The following KCNH8 variants were observed in gnomAD, a reference collection of about 807,000 sequenced individuals.
The protein encoded by KCNH8 is voltage-gated delayed rectifier potassium channel KCNH8.
KCNH8 carries 70 observed loss-of-function variants against 103.6 expected under a neutral mutation model. The observed-to-expected ratio is 0.68, with a 90% CI of 0.56 to 0.82. The LOEUF (loss-of-function observed/expected upper bound fraction) is 0.82, where lower values mean the gene tolerates loss of function less well. Among genes scored for constraint, KCNH8 ranks in the 40% least tolerant of loss-of-function variants. The pLI is 0.00. For synonymous variants in KCNH8, 498 were observed against 489.4 expected (o/e 1.02, Z -0.23); for missense variants, 1,217 against 1,329.9 (o/e 0.92, Z 1.32).
intron 7 of KCNH8, among the ~76,000 whole-genome samples, chr3:19,415,368 C>T (rs578112565): frequency 1.4e-5 from 2 of 145,528 alleles, no homozygotes; most frequent in Non-Finnish European, 3.0e-5. Flanking sequence ...GCTGGGATTT[C>T]TGTCTTCCTT....
intron 3 of KCNH8, among the ~76,000 whole-genome samples, chr3:19,307,210 GA>G (rs568289353): frequency 2.4e-4 from 35 of 147,444 alleles, no homozygotes; most frequent in Non-Finnish European, 4.7e-4. Flanking sequence ...CAAAACAAAA[GA>G]AAAAAAAAGC....
intron 1 of KCNH8, among the ~76,000 whole-genome samples, chr3:19,212,374 C>G (rs2063779470): frequency 6.6e-6 from 1 of 152,216 alleles, no homozygotes; most frequent in African/African-American, 2.4e-5. Flanking sequence ...GATCTTCAAG[C>G]CCCAACGTGA....
chr3:19,225,278 C>T (rs1341301375), intron 1 of KCNH8, among the ~76,000 whole-genome samples: 2 of 151,506 alleles, frequency 1.3e-5, no homozygotes, highest in Non-Finnish European at 2.9e-5. Context: ...AAAATCCAAT[C>T]CATTATTTTA....
At chr3:19,287,644 G>C (rs896638020) in intron 3 of KCNH8, among the ~76,000 whole-genome samples, 2 of 152,080 alleles carry the variant, frequency 1.3e-5, no homozygotes, top group Non-Finnish European at 1.5e-5. Flanking sequence ...GGAGTGCAGT[G>C]GCACAATCTC....
chr3:19,407,119 A>G (rs1288488924), intron 7 of KCNH8, among the ~76,000 whole-genome samples: 1 of 152,156 alleles, frequency 6.6e-6, no homozygotes, highest in Non-Finnish European at 1.5e-5. Flanking sequence ...TTTAAAAATT[A>G]CTTTGTAGTC....
chr3:19,170,665 CAT>C lies in KCNH8; in HGVS notation c.76+21878_76+21879del, dbSNP rs775210363. On this transcript the variant is annotated intron_variant, in intron 1 of 15. Transcript: ENST00000328405. ...ATATATACACACACATATATACACA[CAT>C]ATATATACACACACACATATATACA... Among the ~76,000 whole-genome samples, 658 of 116,892 alleles carry C rather than the reference CAT, an allele frequency of 5.6e-3. 2 individuals carry two copies. Among genetic ancestry groups the C allele is most frequent in the South Asian group, 0.014 (52 of 3,680 alleles). 76.7% of individuals were successfully genotyped at this position (116,892 alleles called of 152,430 possible). A position where few individuals can be genotyped will look rare whatever the true frequency, so the allele number is the denominator to read the frequency against.
At chr3:19,499,442 C>G (rs2068525082) in intron 11 of KCNH8, among the ~76,000 whole-genome samples, 1 of 152,082 alleles carries the variant, frequency 6.6e-6, no homozygotes, top group South Asian at 2.1e-4. Context: ...ACAGAGAACA[C>G]CACAAAGATA....
chr3:19,180,934 A>C (rs1287915229), intron 1 of KCNH8, among the ~76,000 whole-genome samples: 4 of 152,186 alleles, frequency 2.6e-5, no homozygotes, highest in Non-Finnish European at 5.9e-5. Context: ...AATAAAATAG[A>C]AATTAAATTC....
chr3:19,229,794 G>T (rs1338621122), intron 1 of KCNH8, among the ~76,000 whole-genome samples: 2 of 152,128 alleles, frequency 1.3e-5, no homozygotes, highest in Non-Finnish European at 2.9e-5. Context: ...ACATTTTCCT[G>T]CCTTCTTCTG....
intron 11 of KCNH8, among the ~76,000 whole-genome samples, chr3:19,466,648 C>T (rs2067741930): frequency 1.9e-5 from 2 of 107,794 alleles, no homozygotes; most frequent in East Asian, 3.1e-4. Context: ...TGTAGCAATA[C>T]ATTTTTTTTT....
intron 3 of KCNH8, among the ~76,000 whole-genome samples, chr3:19,293,256 A>G (rs572010102): frequency 3.9e-5 from 6 of 152,240 alleles, no homozygotes; most frequent in African/African-American, 1.4e-4. Context: ...CCACTATACC[A>G]CAAGGGGACC....
chr3:19,441,842 T>C (rs1327240887), intron 8 of KCNH8, among the ~76,000 whole-genome samples: 5 of 152,054 alleles, frequency 3.3e-5, no homozygotes, highest in African/African-American at 1.2e-4. Context: ...GTGATATGAG[T>C]GTGTGGGTCT....
At position 19,482,010 on chromosome 3, in the gene KCNH8, A is replaced by C. The variant is rs370577668; in HGVS notation, c.2040+25028A>C. On this transcript the variant is annotated intron_variant, in intron 11 of 15. Coordinates refer to ENST00000328405, the MANE Select transcript of KCNH8 (RefSeq NM_144633.3). ...GCATCGGCAGACTCACGTCTCCAAA[A>C]ACCGAGCTCCCCGAGTGAGCAATTC... 4.3e-4 allele frequency among the ~76,000 whole-genome samples: 66 copies of C among 152,256 alleles called. 1 individual carries two copies. The South Asian group carries it at 0.013, about 30-fold the overall frequency.
intron 4 of KCNH8, among the ~76,000 whole-genome samples, chr3:19,344,034 C>G (rs9828084): frequency 0.37 from 54,871 of 149,982 alleles, 10,861 homozygotes; most frequent in African/African-American, 0.52. Context: ...TCTAGGGATA[C>G]CTGTGCCTTA....
chr3:19,202,402 G>A (rs528264396), intron 1 of KCNH8, among the ~76,000 whole-genome samples: 33 of 152,216 alleles, frequency 2.2e-4, no homozygotes, highest in African/African-American at 7.7e-4. Context: ...TTAACATGTG[G>A]TTAAATCTGA....
chr3:19,450,365 A>C, intron 9 of KCNH8, 60 bp downstream of exon 9: 1 of 1,315,676 alleles, frequency 7.6e-7, no homozygotes, highest in Non-Finnish European at 1.1e-6. Flanking sequence ...GGTAAACGCA[A>C]GATGTTCTAA....
At chr3:19,365,224 T>G (rs1451246447) in intron 5 of KCNH8, among the ~76,000 whole-genome samples, 2 of 152,132 alleles carry the variant, frequency 1.3e-5, no homozygotes, top group African/African-American at 4.8e-5. Flanking sequence ...ACTGTGCTAA[T>G]TATCTAAACT....
intron 7 of KCNH8, among the ~76,000 whole-genome samples, chr3:19,414,625 A>T (rs528916299): frequency 1.3e-5 from 2 of 152,186 alleles, no homozygotes; most frequent in South Asian, 4.1e-4. Context: ...GAGTAGTAAA[A>T]TTATTTGGAA....
At chr3:19,218,845 T>C (rs919060249) in intron 1 of KCNH8, among the ~76,000 whole-genome samples, 1 of 152,188 alleles carries the variant, frequency 6.6e-6, no homozygotes, top group Non-Finnish European at 1.5e-5. Context: ...ATTGTCTTTG[T>C]GAGTATGTCT....
Sources: allele counts gnomAD v4.1 joint callset (sites outside exome capture counted in the v4.1 genomes callset), GRCh38; gene constraint gnomAD v4.1.1; transcripts MANE v1.5; gene names NCBI Gene and HGNC (gene_info 2026-07-23, HGNC 2026-07-21).